The following TRPM7 variants were observed in gnomAD, a reference collection of about 807,000 sequenced individuals.
TRPM7 encodes the protein transient receptor potential cation channel subfamily M member 7, also known as LTRPC ion channel family member 7.
In TRPM7, 134 loss-of-function variants were observed where a neutral mutation model predicts 229.7. The observed-to-expected ratio is 0.58, with a 90% confidence interval of 0.51 to 0.67. The LOEUF is 0.67. TRPM7 is among the 30% of genes least tolerant of loss of function. The pLI is 0.00. For missense variants in TRPM7, 1,901 were observed against 2,210.0 expected (o/e 0.86, Z 2.80); for synonymous variants, 699 against 715.2 (o/e 0.98, Z 0.36).
chr15:50,686,519 T>A lies in TRPM7; in HGVS notation c.3+12A>T. 6.2e-7 allele frequency: 1 copy of A among 1,613,866 alleles called. No homozygotes were observed. The highest frequency in any genetic ancestry group is 1.1e-5 in the South Asian group (1 of 91,076). ...GAACCATTCCCCGCCCGGGCCTGCG[T>A]GGGTCCAGTACCATTCTCCTCACGG... On this transcript the variant is annotated intron_variant, in intron 1 of 38. Coordinates refer to ENST00000646667, the MANE Select transcript of TRPM7 (RefSeq NM_017672.6).
intron 29 of TRPM7, 46 bp from the exon 30 acceptor site, chr15:50,580,954 A>G (rs2054375423): frequency 1.3e-6 from 2 of 1,552,622 alleles, no homozygotes; most frequent in South Asian, 2.5e-5. Flanking sequence ...TTAAAGACAA[A>G]AATCTCTAGA....
chr15:50,674,334 G>A (rs1038615449), intron 1 of TRPM7, among the ~76,000 whole-genome samples: 4 of 152,056 alleles, frequency 2.6e-5, no homozygotes, highest in Admixed American at 6.6e-5. Context: ...GTTTCACCAT[G>A]TTGGTCAGGC....
Position 50,614,282 on chromosome 15 carries a change from T to C in TRPM7, c.1495-19A>G. 1 of 1,589,738 alleles carries C rather than the reference T, an allele frequency of 6.3e-7. No homozygotes were observed. On this transcript the variant is annotated intron_variant, in intron 13 of 38. Coordinates refer to ENST00000646667, the MANE Select transcript of TRPM7 (RefSeq NM_017672.6). ...GATTTCCCTAGAAACAAAACATTTG[T>C]TTTAAATAGATCAGATAGCACTTCT...
chr15:50,564,442 T>C (rs557904890), intron 38 of TRPM7, among the ~76,000 whole-genome samples: 1 of 151,910 alleles, frequency 6.6e-6, no homozygotes, highest in African/African-American at 2.4e-5. Flanking sequence ...AGAAATCACT[T>C]AAGAAGTTAC....
chr15:50,628,197 T>A lies in TRPM7; in HGVS notation c.1257A>T (p.Arg419Ser). 6.2e-7 allele frequency: 1 copy of A among 1,613,612 alleles called. No individual in the cohort carries two copies. Among genetic ancestry groups the A allele is most frequent in the Non-Finnish European group, 8.5e-7 (1 of 1,179,924 alleles). ...DQLILTLAWD[R>S]VDIAKNHVFV... ...ATACATGATTTTTGGCAATGTCAAC[T>A]CTATCCCATGCCAATGTAAGGATAA... Residue 419 changes from arginine to serine, a missense_variant, in exon 11 of 39, where the codon AGA becomes AGT. Transcript: ENST00000646667.
At chr15:50,608,723 T>G (rs1460803859) in intron 19 of TRPM7, among the ~76,000 whole-genome samples, 2 of 152,138 alleles carry the variant, frequency 1.3e-5, no homozygotes, top group African/African-American at 4.8e-5. Context: ...AGAAACAAAT[T>G]CTTGTTGATG....
chr15:50,676,295 G>GAAATCA (rs2062092078), intron 1 of TRPM7, among the ~76,000 whole-genome samples: 1 of 152,106 alleles, frequency 6.6e-6, no homozygotes, highest in Non-Finnish European at 1.5e-5. Context: ...GTAACATGTG[G>GAAATCA]AAATCAAATT....
At chr15:50,632,782 C>A in intron 9 of TRPM7, 87 bp downstream of exon 9, 1 of 1,263,266 alleles carries the variant, frequency 7.9e-7, no homozygotes, top group Non-Finnish European at 1.1e-6. Flanking sequence ...CAAATAAAAA[C>A]AAAAGTATTT....
At chr15:50,656,518 T>G (rs1451043879) in intron 3 of TRPM7, among the ~76,000 whole-genome samples, 1 of 149,608 alleles carries the variant, frequency 6.7e-6, no homozygotes, top group Admixed American at 6.7e-5. Flanking sequence ...TTTTTTTTGG[T>G]AGACACAGGG....
At chr15:50,579,250 G>A (rs973120386) in intron 30 of TRPM7, among the ~76,000 whole-genome samples, 1 of 152,172 alleles carries the variant, frequency 6.6e-6, no homozygotes, top group Non-Finnish European at 1.5e-5. Flanking sequence ...AGAACAGAAT[G>A]AGAATAAAGG....
intron 7 of TRPM7, among the ~76,000 whole-genome samples, chr15:50,636,289 C>CA (rs1006164192): frequency 1.3e-5 from 2 of 151,664 alleles, no homozygotes; most frequent in African/African-American, 4.8e-5. Flanking sequence ...CTCCTGGGCT[C>CA]AAACAATTCT....
chr15:50,604,690 G>A, intron 21 of TRPM7, 176 bp downstream of exon 21: 2 of 614,712 alleles, frequency 3.3e-6, no homozygotes, highest in Non-Finnish European at 5.6e-6. Flanking sequence ...AATGGGTATA[G>A]GGGATTGGGA....
Position 50,557,536 on chromosome 15 carries a change from C to A in TRPM7, c.*4142G>T, listed in dbSNP as rs1447803323. On this transcript the variant is annotated 3_prime_UTR_variant, in exon 39 of 39. Coordinates refer to ENST00000646667, the MANE Select transcript of TRPM7 (RefSeq NM_017672.6). ...TATTTTCTAAACAATCCAATATAAT[C>A]TTTTCTATAATTTCCAATACAATCA... 6 of 152,210 alleles carry A rather than the reference C, an allele frequency of 3.9e-5. No homozygotes were observed. The highest frequency in any genetic ancestry group is 1.4e-4 in the African/African-American group (6 of 41,460). 9.4% of individuals were successfully genotyped at this position (152,210 alleles called of 1,614,324 possible). A position where few individuals can be genotyped will look rare whatever the true frequency, so the allele number is the denominator to read the frequency against.
At chr15:50,602,962 G>T (rs757635791) in intron 21 of TRPM7, among the ~76,000 whole-genome samples, 7 of 152,142 alleles carry the variant, frequency 4.6e-5, no homozygotes, top group Non-Finnish European at 7.4e-5. Context: ...ACACCACTGA[G>T]TCACTAAATA....
chr15:50,621,088 G>A (rs1001387120), intron 12 of TRPM7, among the ~76,000 whole-genome samples: 1 of 151,224 alleles, frequency 6.6e-6, no homozygotes, highest in Non-Finnish European at 1.5e-5. Flanking sequence ...GAACCCCTGG[G>A]GGCGGAGCCT....
intron 38 of TRPM7, among the ~76,000 whole-genome samples, chr15:50,566,070 C>T (rs2053585220): frequency 6.6e-6 from 1 of 152,072 alleles, no homozygotes; most frequent in South Asian, 2.1e-4. Flanking sequence ...GGTGATCCAC[C>T]TGCCTCGGCC....
chr15:50,686,048 T>C (rs1461958579), intron 1 of TRPM7, among the ~76,000 whole-genome samples: 1 of 152,234 alleles, frequency 6.6e-6, no homozygotes, highest in African/African-American at 2.4e-5. Flanking sequence ...TCCAAACCCG[T>C]GTCCTCTACC....
intron 3 of TRPM7, 40 bp downstream of exon 3, chr15:50,657,741 A>C (rs780230563): frequency 1.2e-5 from 19 of 1,583,476 alleles, no homozygotes; most frequent in Middle Eastern, 1.7e-4. Context: ...AGTTTTATTT[A>C]TTTTCCGAAA....
Position 50,575,806 on chromosome 15 carries a change from G to T in TRPM7, c.4670-17C>A. The T allele has an allele frequency of 6.2e-7, 1 of 1,613,184 alleles. No individual in the cohort carries two copies. Among genetic ancestry groups the T allele is most frequent in the Non-Finnish European group, 8.5e-7 (1 of 1,179,552 alleles). On this transcript the variant is annotated splice_polypyrimidine_tract_variant and intron_variant, in intron 32 of 38. Transcript: ENST00000646667. ...TTTCCACAGCTGCATAAAAATGAGA[G>T]AGAAATAATTAAATCTGTAAAGGTC...
Sources: allele counts gnomAD v4.1 joint callset (sites outside exome capture counted in the v4.1 genomes callset), GRCh38; gene constraint gnomAD v4.1.1; transcripts MANE v1.5; gene names NCBI Gene and HGNC (gene_info 2026-07-23, HGNC 2026-07-21).